KHDRBS2: variants seen among roughly 807,000 people sequenced by gnomAD.
The protein encoded by KHDRBS2 is KH domain-containing, RNA-binding, signal transduction-associated protein 2.
Under a neutral mutation model 44.3 loss-of-function variants are expected in KHDRBS2, and 26 were observed. The observed-to-expected ratio is 0.59, with a 90% CI of 0.43 to 0.81. The LOEUF is 0.81. Among genes scored for constraint, KHDRBS2 ranks in the 40% least tolerant of loss-of-function variants. KHDRBS2 has a pLI of 0.00. For missense variants in KHDRBS2, 476 were observed against 433.1 expected, an observed-to-expected ratio of 1.10 and a Z score of -0.88; for synonymous variants, 194 against 151.1, an observed-to-expected ratio of 1.28 and a Z score of -2.08.
the KHDRBS2 span, among the ~76,000 whole-genome samples, chr6:61,645,372 A>G: frequency 5.3e-4 from 81 of 152,056 alleles, no homozygotes; most frequent in African/African-American, 1.8e-3. Flanking sequence ...TACTAGGCTT[A>G]GCACCTGAGT....
intron 6 of KHDRBS2, among the ~76,000 whole-genome samples, chr6:61,740,576 T>C (rs1216142090): frequency 1.3e-5 from 2 of 151,944 alleles, no homozygotes; most frequent in African/African-American, 2.4e-5. Context: ...TTCTTGAACA[T>C]GTTATCATAG....
At chr6:62,130,728 T>C (rs1810099987) in intron 2 of KHDRBS2, among the ~76,000 whole-genome samples, 1 of 152,106 alleles carries the variant, frequency 6.6e-6, no homozygotes, top group African/African-American at 2.4e-5. Flanking sequence ...CATCATAGCT[T>C]AGTCTAACCT....
chr6:62,230,936 A>G (rs1031632215), intron 1 of KHDRBS2, among the ~76,000 whole-genome samples: 3 of 152,208 alleles, frequency 2.0e-5, no homozygotes, highest in Non-Finnish European at 2.9e-5. Flanking sequence ...ATTTAAAAAA[A>G]TATTATAACA....
chr6:61,939,153 A>C (rs1241963145), intron 4 of KHDRBS2, among the ~76,000 whole-genome samples: 2 of 152,180 alleles, frequency 1.3e-5, no homozygotes, highest in Non-Finnish European at 2.9e-5. Flanking sequence ...TGAAATGTTA[A>C]TTATGCTGAA....
At chr6:61,656,254 C>G in the KHDRBS2 span, among the ~76,000 whole-genome samples, 1 of 151,986 alleles carries the variant, frequency 6.6e-6, no homozygotes, top group African/African-American at 2.4e-5. Flanking sequence ...AGCCTCATCT[C>G]TTGTTGCTAC....
At chr6:62,094,844 A>AT (rs1037671823) in intron 2 of KHDRBS2, among the ~76,000 whole-genome samples, 1 of 151,690 alleles carries the variant, frequency 6.6e-6, no homozygotes. Flanking sequence ...CATACTTGGC[A>AT]TTTTTTGCCC....
the KHDRBS2 span, among the ~76,000 whole-genome samples, chr6:61,551,847 C>CTT: frequency 1.3e-4 from 19 of 151,470 alleles, no homozygotes; most frequent in African/African-American, 4.4e-4. Flanking sequence ...TTACTCAGGC[C>CTT]TTTTTTTTGG....
At position 61,901,304 on chromosome 6, in the gene KHDRBS2, G is replaced by A; in HGVS notation, c.551C>T (p.Ser184Phe). ...GCCTCTAATACCTCTGCCACGACCA[G>A]AGTCCTCTGAGCCATTTAAGTAAGA... ...ELSYLNGSED[S>F]GRGRGIRGRG... The change falls in exon 5 of 9, where the codon TCT becomes TTT. Residue 184 changes from serine (S) to phenylalanine (F), a missense_variant. By Grantham distance (155) the Ser-to-Phe change is radical. Coordinates refer to ENST00000281156, the MANE Select transcript of KHDRBS2 (RefSeq NM_152688.4). The A allele has an allele frequency of 6.2e-7, 1 of 1,613,148 alleles. No homozygotes were observed. Among genetic ancestry groups the A allele is most frequent in the Non-Finnish European group, 8.5e-7 (1 of 1,179,232 alleles).
Position 61,955,641 on chromosome 6 carries a change from CGT to C in KHDRBS2, c.483+22423_483+22424del, listed in dbSNP as rs1208467886. ...ATGTATGCATACATGTGTATATACA[CGT>C]ATGTATGTATGCATATATGTGTATA... On this transcript the variant is annotated intron_variant, in intron 4 of 8. Transcript: ENST00000281156. Among the ~76,000 whole-genome samples, 3 of 143,378 alleles carry C rather than the reference CGT, an allele frequency of 2.1e-5. 1 individual carries two copies. Among genetic ancestry groups the C allele is most frequent in the Non-Finnish European group, 4.6e-5 (3 of 65,390 alleles). The allele number at this position is 143,378 out of a possible 152,430, so 94.1% of individuals were successfully genotyped here.
At chr6:62,015,697 A>G (rs77024413) in intron 3 of KHDRBS2, among the ~76,000 whole-genome samples, 3,982 of 152,282 alleles carry the variant, frequency 0.026, 72 homozygotes, top group Non-Finnish European at 0.036. Context: ...GATGGCAAAA[A>G]CAACAGTTCC....
intron 6 of KHDRBS2, among the ~76,000 whole-genome samples, chr6:61,851,996 C>G (rs751631377): frequency 2.0e-5 from 3 of 151,984 alleles, no homozygotes; most frequent in African/African-American, 7.2e-5. Context: ...CCGAGGCAGG[C>G]GGATCACCTG....
At chr6:61,548,239 A>G in the KHDRBS2 span, among the ~76,000 whole-genome samples, 1 of 152,172 alleles carries the variant, frequency 6.6e-6, no homozygotes, top group Admixed American at 6.6e-5. Flanking sequence ...AAACTAAGGA[A>G]CAAGCCAAAA....
intron 1 of KHDRBS2, among the ~76,000 whole-genome samples, chr6:62,186,741 G>A (rs1335499306): frequency 6.6e-6 from 1 of 151,984 alleles, no homozygotes; most frequent in African/African-American, 2.4e-5. Context: ...CCTCACAAAA[G>A]GCAAGAGTTA....
rs1326048388 is a variant in KHDRBS2 at position 61,916,396 on chromosome 6, T to G, written c.484-15025A>C. Among the ~76,000 whole-genome samples, 3 of 151,958 alleles carry G rather than the reference T, an allele frequency of 2.0e-5. No individual in the cohort carries two copies. In the East Asian group the frequency reaches 5.8e-4, roughly 29 times the overall value. ...TATCTCAACCTTTGTTTTATCCATA[T>G]TTAGAATGTAACTGTGGTATATTTA... On this transcript the variant is annotated intron_variant, in intron 4 of 8. Coordinates refer to ENST00000281156, the MANE Select transcript of KHDRBS2 (RefSeq NM_152688.4).
chr6:61,770,641 G>A (rs1440234236), intron 6 of KHDRBS2, among the ~76,000 whole-genome samples: 1 of 152,130 alleles, frequency 6.6e-6, no homozygotes, highest in East Asian at 1.9e-4. Context: ...AGGGGAAAAA[G>A]AATAAAAAGA....
Position 61,978,184 on chromosome 6 carries a change from G to A in KHDRBS2, c.365C>T (p.Ala122Val), listed in dbSNP as rs1773101563. The A allele has an allele frequency of 1.9e-6, 3 of 1,607,444 alleles. No individual in the cohort carries two copies. The East Asian group carries it at 6.7e-5, about 36-fold the overall frequency. The change falls in exon 4 of 9, where the codon GCC becomes GTC. Residue 122 changes from alanine to valine, a missense_variant. By Grantham distance (64) the Ala-to-Val change is moderately conservative (BLOSUM62 0). Coordinates refer to ENST00000281156, the MANE Select transcript of KHDRBS2 (RefSeq NM_152688.4). ...KEEELRKSGE[A>V]KYAHLSDELH... ...CTCATCACTCAAGTGGGCATATTTG[G>A]CTTCCCCACTCTTCCTTAGTTCTTC... is the stretch of plus-strand genomic sequence containing the variant.
chr6:62,095,462 G>C (rs1800386517), intron 2 of KHDRBS2, among the ~76,000 whole-genome samples: 1 of 151,760 alleles, frequency 6.6e-6, no homozygotes, highest in Non-Finnish European at 1.5e-5. Flanking sequence ...ACTGTCTACA[G>C]TATTAAGTAC....
At chr6:61,831,155 C>A (rs1265210922) in intron 6 of KHDRBS2, among the ~76,000 whole-genome samples, 2 of 152,046 alleles carry the variant, frequency 1.3e-5, no homozygotes, top group Non-Finnish European at 2.9e-5. Flanking sequence ...CATTGAGGCT[C>A]CTTAAGCCTT....
chr6:62,088,457 C>T lies in KHDRBS2; in HGVS notation c.220-40463G>A, dbSNP rs1584618192. 5.9e-5 allele frequency among the ~76,000 whole-genome samples: 9 copies of T among 152,310 alleles called. 1 individual carries two copies. The South Asian group carries it at 1.9e-3, about 32-fold the overall frequency. Reference sequence around the variant, plus strand: ...TAGTTTTCCTTCTAACAGTCAGGCCCTTCTTCTGCAGGTCTGCTGGAGTTT... The same window carrying T: ...TAGTTTTCCTTCTAACAGTCAGGCCTTTCTTCTGCAGGTCTGCTGGAGTTT... On this transcript the variant is annotated intron_variant, in intron 2 of 8. Coordinates refer to ENST00000281156, the MANE Select transcript of KHDRBS2 (RefSeq NM_152688.4).
Sources: allele counts gnomAD v4.1 joint callset (sites outside exome capture counted in the v4.1 genomes callset), GRCh38; gene constraint gnomAD v4.1.1; transcripts MANE v1.5; gene names NCBI Gene and HGNC (gene_info 2026-07-23, HGNC 2026-07-21).